Variants in CELF2 observed in about 807,000 individuals in gnomAD.
The protein encoded by CELF2 is CUG triplet repeat RNA-binding protein 2.
A neutral mutation model predicts 62.6 loss-of-function variants in CELF2; 8 were observed. The observed-to-expected ratio is 0.13, with a 90% CI of 0.07 to 0.23. The LOEUF is 0.23. CELF2 is among the 10% of genes least tolerant of loss of function. The probability of loss-of-function intolerance (pLI) is 1.00; values close to 1 mark genes in which losing one functional copy is unlikely to be tolerated. For missense variants in CELF2, 333 were observed against 671.0 expected, an observed-to-expected ratio of 0.50 and a Z score of 5.56; for synonymous variants, 258 against 250.0, an observed-to-expected ratio of 1.03 and a Z score of -0.30.
intron 1 of CELF2, among the ~76,000 whole-genome samples, chr10:10,815,662 A>T (rs545449426): frequency 6.6e-6 from 1 of 152,316 alleles, no homozygotes; most frequent in African/African-American, 2.4e-5. Context: ...CAGAGGATAA[A>T]GCTATATTAA....
At chr10:10,613,790 C>T in the CELF2 span, among the ~76,000 whole-genome samples, 6 of 152,106 alleles carry the variant, frequency 3.9e-5, no homozygotes, top group Non-Finnish European at 8.8e-5. Flanking sequence ...AATAATGTAA[C>T]ACAGGGGTAT....
At chr10:11,050,361 T>C (rs1035657188) in intron 1 of CELF2, among the ~76,000 whole-genome samples, 1 of 152,134 alleles carries the variant, frequency 6.6e-6, no homozygotes, top group African/African-American at 2.4e-5. Context: ...GTCTGGACAT[T>C]ATTTGGGCTT....
chr10:10,513,516 G>A, the CELF2 span, among the ~76,000 whole-genome samples: 2 of 151,986 alleles, frequency 1.3e-5, no homozygotes, highest in Non-Finnish European at 2.9e-5. Flanking sequence ...TATAAACTGG[G>A]GAAGAGAAAA....
intron 9 of CELF2, among the ~76,000 whole-genome samples, chr10:11,299,251 C>T (rs578143832): frequency 6.6e-5 from 10 of 152,358 alleles, no homozygotes; most frequent in East Asian, 1.9e-4. Flanking sequence ...GGCCACACGG[C>T]GGGTGGTGCG....
chr10:10,861,627 A>G (rs2060052159), intron 1 of CELF2, among the ~76,000 whole-genome samples: 1 of 152,124 alleles, frequency 6.6e-6, no homozygotes, highest in African/African-American at 2.4e-5. Flanking sequence ...ACCCAACTCT[A>G]TGCCTTCCCA....
At chr10:10,892,163 G>T (rs2062191415) in intron 1 of CELF2, among the ~76,000 whole-genome samples, 2 of 152,170 alleles carry the variant, frequency 1.3e-5, no homozygotes, top group Non-Finnish European at 2.9e-5. Flanking sequence ...AATTAAGAAA[G>T]CAAGACATAA....
intron 1 of CELF2, among the ~76,000 whole-genome samples, chr10:10,905,119 T>C (rs1591739214): frequency 1.3e-5 from 2 of 152,242 alleles, no homozygotes; most frequent in African/African-American, 4.8e-5. Flanking sequence ...ATGGACATGA[T>C]AATGAATAAC....
chr10:10,674,137 A>G, the CELF2 span, among the ~76,000 whole-genome samples: 2 of 152,208 alleles, frequency 1.3e-5, no homozygotes, highest in African/African-American at 4.8e-5. Flanking sequence ...GTCTTTAACT[A>G]TAATCATGGA....
the CELF2 span, among the ~76,000 whole-genome samples, chr10:10,763,631 G>T: frequency 6.6e-6 from 1 of 152,298 alleles, no homozygotes; most frequent in South Asian, 2.1e-4. Flanking sequence ...TTTTGCAATT[G>T]TGTGGTTATT....
At chr10:10,503,716 A>G in the CELF2 span, among the ~76,000 whole-genome samples, 1 of 151,856 alleles carries the variant, frequency 6.6e-6, no homozygotes, top group Non-Finnish European at 1.5e-5. Context: ...CATTTAATTT[A>G]ATTTACTTTT....
chr10:11,026,659 CCTT>C (rs950513373), intron 1 of CELF2, among the ~76,000 whole-genome samples: 2 of 152,080 alleles, frequency 1.3e-5, no homozygotes, highest in African/African-American at 2.4e-5. Context: ...GTCTTGTTGC[CCTT>C]CTTATGTTTT....
At chr10:10,960,736 C>G (rs1364203806) in intron 2 of CELF2, among the ~76,000 whole-genome samples, 1 of 152,208 alleles carries the variant, frequency 6.6e-6, no homozygotes, top group Non-Finnish European at 1.5e-5. Context: ...CTTATCAGAG[C>G]TGGCTGGTTG....
chr10:10,792,344 G>T, the CELF2 span: 4 of 398,134 alleles, frequency 1.0e-5, no homozygotes, highest in Non-Finnish European at 1.8e-5. Flanking sequence ...GTGGGGGAGT[G>T]GGGAGTGGGT....
chr10:10,913,570 T>TTTTTTTTTTTTTTTTTTTTG (rs2064015060), intron 1 of CELF2, among the ~76,000 whole-genome samples: 1 of 150,626 alleles, frequency 6.6e-6, no homozygotes, highest in African/African-American at 2.5e-5. Flanking sequence ...TTTGTATTTT[T>TTTTTTTTTTTTTTTTTTTTG]AGTAGAGATG....
the CELF2 span, among the ~76,000 whole-genome samples, chr10:10,651,010 G>A: frequency 2.4e-4 from 37 of 152,098 alleles, no homozygotes; most frequent in African/African-American, 8.4e-4. Flanking sequence ...GCCAGTGGGT[G>A]CGCGCACCGT....
At chr10:10,868,939 T>C (rs1290163238) in intron 1 of CELF2, among the ~76,000 whole-genome samples, 1 of 152,248 alleles carries the variant, frequency 6.6e-6, no homozygotes, top group Non-Finnish European at 1.5e-5. Flanking sequence ...CATCCTAGCA[T>C]GTTTCTTTCT....
chr10:10,763,214 T>C, the CELF2 span, among the ~76,000 whole-genome samples: 2 of 152,216 alleles, frequency 1.3e-5, no homozygotes, highest in Admixed American at 6.5e-5. Context: ...TGGCCCAATT[T>C]GTATTTATGG....
chr10:10,738,789 C>T, the CELF2 span, among the ~76,000 whole-genome samples: 2 of 152,004 alleles, frequency 1.3e-5, no homozygotes, highest in Non-Finnish European at 2.9e-5. Flanking sequence ...GACTTGATGA[C>T]TAAACGTGAT....
At chr10:11,061,031 T>G (rs2066608696) in intron 1 of CELF2, among the ~76,000 whole-genome samples, 1 of 152,144 alleles carries the variant, frequency 6.6e-6, no homozygotes, top group Admixed American at 6.5e-5. Flanking sequence ...AATGAAAGAC[T>G]AAAGAATCAA....
Sources: gnomAD v4.1 joint callset for allele counts (sites outside exome capture counted in the v4.1 genomes callset) on GRCh38, gnomAD v4.1.1 for gene constraint, MANE v1.5 for transcripts, NCBI Gene and HGNC (gene_info 2026-07-23, HGNC 2026-07-21) for gene names.